Variants in WIF1 observed in about 807,000 individuals in gnomAD.
WIF1 encodes Wnt inhibitory factor 1.
WIF1 carries 35 observed loss-of-function variants against 53.5 expected under a neutral mutation model. The ratio of observed to expected loss-of-function variants is 0.65; its 90% CI spans 0.50 to 0.87. WIF1 has a LOEUF of 0.87. Ranked by LOEUF, WIF1 falls within the 40% of genes least tolerant of loss-of-function variation. The pLI is 0.00. For missense variants in WIF1, 467 were observed against 476.8 expected (o/e 0.98, Z 0.19); for synonymous variants, 171 against 170.4 (o/e 1.00, Z -0.03).
chr12:65,096,288 A>G (rs2136632757), intron 2 of WIF1, among the ~76,000 whole-genome samples: 1 of 152,350 alleles, frequency 6.6e-6, no homozygotes, highest in East Asian at 1.9e-4. Flanking sequence ...TGGTCATTAG[A>G]GAAATGCAAA....
At chr12:65,118,986 T>G (rs972376276) in intron 2 of WIF1, among the ~76,000 whole-genome samples, 2 of 152,178 alleles carry the variant, frequency 1.3e-5, no homozygotes, top group Admixed American at 1.3e-4. Context: ...AACTGCCTTT[T>G]ATTGATTCTT....
At position 65,077,785 on chromosome 12, in the gene WIF1, T is replaced by C. The variant is rs753328233; in HGVS notation, c.358A>G (p.Asn120Asp). The C allele has an allele frequency of 6.2e-7, 1 of 1,613,896 alleles. No homozygotes were observed. Among genetic ancestry groups the C allele is most frequent in the East Asian group, 2.2e-5 (1 of 44,856 alleles). ...GGCACTGTTCCCAGCAGAGGGACAT[T>C]GACGGTTGGATCTGCCATGATGCCT... ...DKGIMADPTV[N>D]VPLLGTVPHK... is the part of the protein sequence containing the mutation. Residue 120 changes from asparagine to aspartate, a missense_variant, in exon 3 of 10, where the codon AAT (asparagine) becomes GAT (aspartate). Transcript: ENST00000286574.
chr12:65,106,171 A>G (rs1883348433), intron 2 of WIF1, among the ~76,000 whole-genome samples: 1 of 152,130 alleles, frequency 6.6e-6, no homozygotes, highest in African/African-American at 2.4e-5. Flanking sequence ...TAAATGAAAC[A>G]GAATGCCTGC....
At chr12:65,057,475 A>G (rs1882546718) in intron 7 of WIF1, among the ~76,000 whole-genome samples, 1 of 152,178 alleles carries the variant, frequency 6.6e-6, no homozygotes. Context: ...AGAATTTGCT[A>G]TCCTAAGTCC....
At chr12:65,113,562 A>G (rs371280210) in intron 2 of WIF1, among the ~76,000 whole-genome samples, 9 of 152,066 alleles carry the variant, frequency 5.9e-5, no homozygotes, top group African/African-American at 2.2e-4. Flanking sequence ...TGTGGCTTAC[A>G]AGGTACCTTG....
intron 2 of WIF1, among the ~76,000 whole-genome samples, chr12:65,100,854 C>G (rs531266822): frequency 6.6e-6 from 1 of 151,982 alleles, no homozygotes; most frequent in African/African-American, 2.4e-5. Flanking sequence ...GATCCCATCT[C>G]TACAAAAAAG....
chr12:65,112,984 A>C (rs986315127), intron 2 of WIF1, among the ~76,000 whole-genome samples: 1 of 152,252 alleles, frequency 6.6e-6, no homozygotes, highest in South Asian at 2.1e-4. Context: ...CATTTGGATG[A>C]GTGAGATTAA....
intron 2 of WIF1, among the ~76,000 whole-genome samples, chr12:65,083,267 G>A (rs1882976002): frequency 6.6e-6 from 1 of 152,054 alleles, no homozygotes. Flanking sequence ...TCTAAAATAA[G>A]CAAGAAAGGA....
At position 65,056,118 on chromosome 12, in the gene WIF1, G is replaced by A. The variant is rs779963271; in HGVS notation, c.835C>T (p.Pro279Ser). The A allele has an allele frequency of 6.2e-7, 1 of 1,613,802 alleles. No homozygotes were observed. Among genetic ancestry groups the A allele is most frequent in the Non-Finnish European group, 8.5e-7 (1 of 1,179,910 alleles). The change falls in exon 8 of 10, where the codon CCA becomes TCA. Residue 279 changes from proline to serine, a missense_variant. By Grantham distance (74) the Pro-to-Ser change is moderately conservative. Coordinates refer to ENST00000286574, the MANE Select transcript of WIF1 (RefSeq NM_007191.5). ...TTACCTCCATTTCGACAGGGTTGTGGGCATTTGCCTGAAAAAGAGAAGAAT... is the reference window on the plus strand; with the variant it reads ...TTACCTCCATTTCGACAGGGTTGTGAGCATTTGCCTGAAAAAGAGAAGAAT... ...EGEQCEISKCPQPCRNGGKCI... is the reference protein window; with the variant it reads ...EGEQCEISKCSQPCRNGGKCI...
intron 2 of WIF1, among the ~76,000 whole-genome samples, chr12:65,103,617 T>C (rs564995027): frequency 1.3e-5 from 2 of 152,358 alleles, no homozygotes; most frequent in East Asian, 3.9e-4. Flanking sequence ...TTGAATATGA[T>C]GATTTGATAT....
intron 2 of WIF1, among the ~76,000 whole-genome samples, chr12:65,116,248 T>C (rs1263566137): frequency 6.6e-6 from 1 of 152,112 alleles, no homozygotes; most frequent in Non-Finnish European, 1.5e-5. Context: ...CCATGGCCTG[T>C]TAGGAACCAG....
In WIF1 at chr12:65,051,931, T is replaced by C. The variant is rs769466953; in HGVS notation, c.1019-461A>G. On this transcript the variant is annotated intron_variant, in intron 9 of 9. Transcript: ENST00000286574. ...TGATTGGGTGTGACTATTGCACTTA[T>C]AAGACAGGAATTTTGTAAAAATTAA... Among the ~76,000 whole-genome samples the C allele has an allele frequency of 5.3e-5, 8 of 152,232 alleles. No individual in the cohort carries two copies. The South Asian group carries it at 8.3e-4, about 16-fold the overall frequency.
At chr12:65,119,538 T>C (rs1217092903) in intron 2 of WIF1, among the ~76,000 whole-genome samples, 1 of 152,198 alleles carries the variant, frequency 6.6e-6, no homozygotes, top group Non-Finnish European at 1.5e-5. Context: ...ACATTCTTCT[T>C]GAAAATAATC....
chr12:65,118,532 TAGAG>T (rs1565762895), intron 2 of WIF1, among the ~76,000 whole-genome samples: 1 of 152,098 alleles, frequency 6.6e-6, no homozygotes, highest in Non-Finnish European at 1.5e-5. Flanking sequence ...GCCGAATGAG[TAGAG>T]AGAGAAAGGT....
At chr12:65,118,694 G>A (rs1883549296) in intron 2 of WIF1, among the ~76,000 whole-genome samples, 1 of 152,212 alleles carries the variant, frequency 6.6e-6, no homozygotes, top group African/African-American at 2.4e-5. Flanking sequence ...ATATTCCTGA[G>A]ATTGTATGAC....
rs1422199824 is a variant in WIF1, at chr12:65,092,488, A to G, written c.289-14634T>C. ...TGTATATGTGTGTGTGTGTATATAT[A>G]TGTGTGTATATATATGTGTGTATAT... On this transcript the variant is annotated intron_variant, in intron 2 of 9. Transcript: ENST00000286574. 6.7e-5 allele frequency among the ~76,000 whole-genome samples: 5 copies of G among 74,120 alleles called. No individual in the cohort carries two copies. The South Asian group carries it at 1.9e-3, about 28-fold the overall frequency. 48.6% of individuals were successfully genotyped at this position (74,120 alleles called of 152,430 possible).
chr12:65,114,133 T>C (rs919129839), intron 2 of WIF1, among the ~76,000 whole-genome samples: 2 of 152,150 alleles, frequency 1.3e-5, no homozygotes, highest in Admixed American at 6.6e-5. Flanking sequence ...TCCTTTGAAG[T>C]TGGAGAGGGA....
intron 6 of WIF1, 94 bp downstream of exon 6, chr12:65,066,547 A>G (rs2136614663): frequency 2.0e-6 from 2 of 986,238 alleles, no homozygotes; most frequent in South Asian, 4.6e-5. Context: ...ACATTCTCAG[A>G]GCTGTTATGA....
rs1276871281 is a variant in WIF1, at chr12:65,120,518, T to C, written c.187A>G (p.Met63Val). The change falls in exon 2 of 10, where the codon ATG (methionine) becomes GTG (valine). Residue 63 changes from methionine (M) to valine (V), a missense_variant. By Grantham distance (21) the Met-to-Val change is conservative. Transcript: ENST00000286574. ...EDILIVSEGK[M>V]APFTHDFRKA... ...CTGAAATCATGTGTAAAAGGTGCCA[T>C]TTTCCCCTCTGAAACAATCAGGATA... 2.5e-6 allele frequency: 4 copies of C among 1,613,528 alleles called. No homozygotes were observed. Among genetic ancestry groups the C allele is most frequent in the African/African-American group, 1.3e-5 (1 of 74,922 alleles).
Sources: gnomAD v4.1 joint callset for allele counts (sites outside exome capture counted in the v4.1 genomes callset) on GRCh38, gnomAD v4.1.1 for gene constraint, MANE v1.5 for transcripts, NCBI Gene and HGNC (gene_info 2026-07-23, HGNC 2026-07-21) for gene names.